ARHGEF7: variants seen among roughly 807,000 people sequenced by gnomAD.
ARHGEF7 encodes the protein Rho guanine nucleotide exchange factor 7.
A neutral mutation model predicts 109.8 loss-of-function variants in ARHGEF7; 33 were observed. That is an observed-to-expected ratio of 0.30 (90% CI 0.23 to 0.40). The LOEUF (loss-of-function observed/expected upper bound fraction) is 0.40, where lower values mean the gene tolerates loss of function less well. Among genes scored for constraint, ARHGEF7 ranks in the 10% least tolerant of loss-of-function variants. ARHGEF7 has a pLI of 1.00. For synonymous variants in ARHGEF7, 458 were observed against 424.6 expected, an observed-to-expected ratio of 1.08 and a Z score of -0.97; for missense variants, 938 against 1,098.5, an observed-to-expected ratio of 0.85 and a Z score of 2.07.
chr13:111,138,281 C>T (rs1389344234), intron 1 of ARHGEF7, among the ~76,000 whole-genome samples: 1 of 151,974 alleles, frequency 6.6e-6, no homozygotes, highest in East Asian at 1.9e-4. Context: ...CTATAGCACT[C>T]CAGCCTTGGC....
At chr13:111,129,357 AAAAG>A (rs1283671022) in intron 1 of ARHGEF7, among the ~76,000 whole-genome samples, 1 of 152,190 alleles carries the variant, frequency 6.6e-6, no homozygotes, top group Non-Finnish European at 1.5e-5. Flanking sequence ...AGAATTCCAT[AAAAG>A]AAAGAGTGGA....
At chr13:111,292,740 T>C (rs2093327970) in intron 19 of ARHGEF7, 1 of 1,015,646 alleles carries the variant, frequency 9.8e-7, no homozygotes, top group East Asian at 9.6e-5. Flanking sequence ...TGGCCTTATC[T>C]GTAGGGACCT....
At chr13:111,128,801 G>C (rs975347192) in intron 1 of ARHGEF7, among the ~76,000 whole-genome samples, 6 of 152,100 alleles carry the variant, frequency 3.9e-5, no homozygotes, top group African/African-American at 1.4e-4. Flanking sequence ...CTTTTAAGCT[G>C]TTCTATTCAT....
At chr13:111,144,485 C>T (rs4502090) in intron 1 of ARHGEF7, 1 of 152,182 alleles carries the variant, frequency 6.6e-6, no homozygotes, top group Non-Finnish European at 1.5e-5. Context: ...CAAGTTAGCT[C>T]CACTGACCTA....
rs924453028 is a variant in ARHGEF7, at chr13:111,239,708, C to T, written c.760-4164C>T. Among the ~76,000 whole-genome samples, 1 of 152,048 alleles carries T rather than the reference C, an allele frequency of 6.6e-6. No individual in the cohort carries two copies. The highest frequency in any genetic ancestry group is 2.4e-5 in the African/African-American group (1 of 41,366). ...GCAGCTTGTGGGATCCCCTCTTTTC[C>T]TGGGCGGCGAGGTGCCTGCTGGCTT... is the stretch of plus-strand genomic sequence containing the variant. On this transcript the variant is annotated intron_variant, in intron 6 of 21. Transcript: ENST00000646102. The surrounding 1 kb of genome is among the most constrained non-coding windows in gnomAD (Gnocchi z 4.3).
intron 1 of ARHGEF7, among the ~76,000 whole-genome samples, chr13:111,134,073 G>A (rs2074963728): frequency 6.6e-6 from 1 of 151,526 alleles, no homozygotes; most frequent in African/African-American, 2.4e-5. Flanking sequence ...ATAGTTTGCT[G>A]AGAATGATGG....
chr13:111,288,283 T>C (rs745576747), intron 17 of ARHGEF7, 71 bp from the exon 18 acceptor site: 7 of 935,028 alleles, frequency 7.5e-6, no homozygotes. Context: ...GATGTCTGCA[T>C]TGCATTCGTC....
At chr13:111,183,757 T>G (rs2078981524) in intron 2 of ARHGEF7, among the ~76,000 whole-genome samples, 1 of 152,162 alleles carries the variant, frequency 6.6e-6, no homozygotes, top group Admixed American at 6.5e-5. Flanking sequence ...TAAATCCCAA[T>G]TTTTGCTAAT....
At chr13:111,218,166 ATCT>A (rs1378781507) in intron 5 of ARHGEF7, among the ~76,000 whole-genome samples, 1 of 150,364 alleles carries the variant, frequency 6.7e-6, no homozygotes, top group Non-Finnish European at 1.5e-5. Context: ...GAAAGAATTG[ATCT>A]TTTTTTTTTT....
Position 111,131,805 on chromosome 13 carries a change from G to T in ARHGEF7, c.165+16114G>T, listed in dbSNP as rs1435869090. Reference sequence around the variant, plus strand: ...GAGGGTGCTATTCCTAGCTGTTCTAGGACAACTGGCCAGCACACACCCAGA... The same window carrying T: ...GAGGGTGCTATTCCTAGCTGTTCTATGACAACTGGCCAGCACACACCCAGA... On this transcript the variant is annotated intron_variant, in intron 1 of 21. Transcript: ENST00000646102. This position sits in a 1 kb window ranked among gnomAD's most constrained non-coding sequence, Gnocchi z 4.4. Among the ~76,000 whole-genome samples, 4 of 152,200 alleles carry T rather than the reference G, an allele frequency of 2.6e-5. No individual in the cohort carries two copies. The highest frequency in any genetic ancestry group is 5.9e-5 in the Non-Finnish European group (4 of 68,040).
Position 111,149,179 on chromosome 13 carries a change from G to A in ARHGEF7, c.166-4726G>A, listed in dbSNP as rs147607296. Among the ~76,000 whole-genome samples, 42 of 152,084 alleles carry A rather than the reference G, an allele frequency of 2.8e-4. 1 individual carries two copies. The highest frequency in any genetic ancestry group is 4.2e-4 in the South Asian group (2 of 4,808). Reference sequence around the variant, plus strand: ...AATCCCAGCACTTTGGGAGTCTGAGGCGGGCAGATTGCTTGAGCCCAGGAG... The same window carrying A: ...AATCCCAGCACTTTGGGAGTCTGAGACGGGCAGATTGCTTGAGCCCAGGAG... On this transcript the variant is annotated intron_variant, in intron 1 of 21. Coordinates refer to ENST00000646102, the MANE Select transcript of ARHGEF7 (RefSeq NM_001354046.2).
chr13:111,151,436 T>A (rs1208473156), intron 1 of ARHGEF7, among the ~76,000 whole-genome samples: 9 of 152,260 alleles, frequency 5.9e-5, no homozygotes, highest in African/African-American at 2.2e-4. Flanking sequence ...GTAAATTTCT[T>A]TGGCTTTCAG....
At chr13:111,169,410 G>A (rs1304099374) in intron 2 of ARHGEF7, among the ~76,000 whole-genome samples, 1 of 152,138 alleles carries the variant, frequency 6.6e-6, no homozygotes, top group Non-Finnish European at 1.5e-5. Context: ...CAAAGGGGAA[G>A]CAGGCTCGTC....
At chr13:111,221,601 A>G (rs2084388559) in intron 5 of ARHGEF7, among the ~76,000 whole-genome samples, 1 of 92,532 alleles carries the variant, frequency 1.1e-5, no homozygotes, top group Non-Finnish European at 2.0e-5. Flanking sequence ...ATATATAGAT[A>G]TATATCTCCC....
chr13:111,198,158 G>C (rs2080776996), intron 2 of ARHGEF7, among the ~76,000 whole-genome samples: 1 of 152,130 alleles, frequency 6.6e-6, no homozygotes, highest in South Asian at 2.1e-4. Context: ...CCCTTTCCCA[G>C]AAAGCCTGAC....
At chr13:111,207,686 T>C (rs1353172298) in intron 3 of ARHGEF7, among the ~76,000 whole-genome samples, 1 of 152,182 alleles carries the variant, frequency 6.6e-6, no homozygotes, top group African/African-American at 2.4e-5. Context: ...CGAAGTGGCT[T>C]TAGAACATGG....
rs2093617616 is a variant in ARHGEF7 at position 111,304,127 on chromosome 13, C to CA, written c.*1015dup. On this transcript the variant is annotated 3_prime_UTR_variant, in exon 22 of 22. Transcript: ENST00000646102. ...ACCATTGGCCGTAGCCAGCAGGCTT[C>CA]AGTGCTCACCGAAAGTAAAATCCCC... 4 of 152,368 alleles carry CA rather than the reference C, an allele frequency of 2.6e-5. No individual in the cohort carries two copies. In the South Asian group the frequency reaches 8.3e-4, roughly 32 times the overall value. 9.4% of individuals were successfully genotyped at this position (152,368 alleles called of 1,614,324 possible).
chr13:111,189,994 C>T (rs923721788), intron 2 of ARHGEF7, among the ~76,000 whole-genome samples: 15 of 152,166 alleles, frequency 9.9e-5, no homozygotes, highest in Admixed American at 5.2e-4. Flanking sequence ...GGGCAGTGAC[C>T]GCTCTAGCTA....
At chr13:111,269,761 A>G (rs746439146) in intron 9 of ARHGEF7, among the ~76,000 whole-genome samples, 17 of 152,128 alleles carry the variant, frequency 1.1e-4, no homozygotes, top group Non-Finnish European at 5.9e-5. Flanking sequence ...AGGTCCCTGC[A>G]CCACGAGAGT....
Sources: gnomAD v4.1 joint callset for allele counts (sites outside exome capture counted in the v4.1 genomes callset) on GRCh38, gnomAD v4.1.1 for gene constraint, Gnocchi (gnomAD v3.1) non-coding constraint, MANE v1.5 for transcripts, NCBI Gene and HGNC (gene_info 2026-07-23, HGNC 2026-07-21) for gene names.